ERBB4: variants seen among roughly 807,000 people sequenced by gnomAD.
The protein encoded by ERBB4 is erb-b2 receptor tyrosine kinase 4, also known as receptor tyrosine-protein kinase erbB-4.
In ERBB4, 42 loss-of-function variants were observed where a neutral mutation model predicts 158.0. The observed-to-expected ratio is 0.27, with a 90% CI of 0.21 to 0.34. The LOEUF (loss-of-function observed/expected upper bound fraction) is 0.34. Ranked by LOEUF, ERBB4 falls within the 10% of genes least tolerant of loss-of-function variation. The pLI is 1.00. For synonymous variants in ERBB4, 583 were observed against 558.7 expected (o/e 1.04, Z -0.61); for missense variants, 1,333 against 1,624.1 (o/e 0.82, Z 3.08).
At chr2:211,950,041 C>CTGG (rs1388291820) in intron 2 of ERBB4, among the ~76,000 whole-genome samples, 1 of 152,144 alleles carries the variant, frequency 6.6e-6, no homozygotes, top group African/African-American at 2.4e-5. Flanking sequence ...CGGCCCTTCT[C>CTGG]TGGCCACACC....
At chr2:211,918,071 T>C (rs937835500) in intron 3 of ERBB4, among the ~76,000 whole-genome samples, 2 of 152,152 alleles carry the variant, frequency 1.3e-5, no homozygotes, top group South Asian at 2.1e-4. Context: ...AGTGGCTGGA[T>C]TGAAGATGAT....
intron 3 of ERBB4, among the ~76,000 whole-genome samples, chr2:211,931,343 G>C (rs916774395): frequency 1.2e-4 from 19 of 152,018 alleles, no homozygotes; most frequent in African/African-American, 4.1e-4. Context: ...CTCTATGCCA[G>C]AAAATAAATA....
intron 1 of ERBB4, among the ~76,000 whole-genome samples, chr2:212,153,230 A>AT (rs958861736): frequency 1.3e-5 from 2 of 152,166 alleles, no homozygotes; most frequent in African/African-American, 2.4e-5. Context: ...CAAAATACCA[A>AT]TTTTTTCTCA....
chr2:211,865,174 A>G (rs530624876), intron 3 of ERBB4, among the ~76,000 whole-genome samples: 1 of 151,604 alleles, frequency 6.6e-6, no homozygotes, highest in South Asian at 2.1e-4. Context: ...TAAAGTATAT[A>G]TCTATACCTA....
At chr2:211,479,116 AAT>A (rs1264233083) in intron 20 of ERBB4, among the ~76,000 whole-genome samples, 2 of 152,116 alleles carry the variant, frequency 1.3e-5, no homozygotes, top group Non-Finnish European at 2.9e-5. Flanking sequence ...ACTTAAAGCA[AAT>A]ATTGCTGGGC....
At chr2:211,826,458 A>G (rs973978745) in intron 3 of ERBB4, among the ~76,000 whole-genome samples, 1 of 151,856 alleles carries the variant, frequency 6.6e-6, no homozygotes, top group Non-Finnish European at 1.5e-5. Flanking sequence ...GTTTCCATCC[A>G]TAGCCCTTAT....
intron 3 of ERBB4, among the ~76,000 whole-genome samples, chr2:211,882,310 A>G (rs57566572): frequency 0.14 from 21,563 of 152,124 alleles, 1,862 homozygotes; most frequent in African/African-American, 0.24. Context: ...GCTGGACTAA[A>G]TGGCTGGTAT....
Position 211,673,372 on chromosome 2 carries a change from T to C in ERBB4, c.1623-115A>G, listed in dbSNP as rs2071920518. On this transcript the variant is annotated intron_variant, in intron 13 of 27. Coordinates refer to ENST00000342788, the MANE Select transcript of ERBB4 (RefSeq NM_005235.3). ...GAGTAAATTCTAAAGTTTGTTTCTC[T>C]ATGTGCCAGGAGCATCAGAAACATT... 3 of 763,498 alleles carry C rather than the reference T, an allele frequency of 3.9e-6. No individual in the cohort carries two copies. The Admixed American group carries it at 6.0e-5, about 15-fold the overall frequency. The allele number at this position is 763,498 out of a possible 1,614,324, so 47.3% of individuals were successfully genotyped here. A position where few individuals can be genotyped will look rare whatever the true frequency, so the allele number is the denominator to read the frequency against.
chr2:211,752,148 A>C (rs2075148406), intron 4 of ERBB4, among the ~76,000 whole-genome samples: 1 of 152,158 alleles, frequency 6.6e-6, no homozygotes, highest in Non-Finnish European at 1.5e-5. Context: ...AACTTTAATC[A>C]GTGATAATGA....
intron 9 of ERBB4, among the ~76,000 whole-genome samples, chr2:211,705,912 T>C (rs976548488): frequency 2.6e-5 from 4 of 152,158 alleles, no homozygotes; most frequent in African/African-American, 9.6e-5. Context: ...TTTCATAATA[T>C]TTATAACATT....
chr2:212,136,582 C>T (rs1187894314), intron 1 of ERBB4, among the ~76,000 whole-genome samples: 1 of 152,152 alleles, frequency 6.6e-6, no homozygotes, highest in East Asian at 1.9e-4. Context: ...GGCACATGAC[C>T]TGGACATCAC....
At chr2:212,501,746 C>T (rs773190780) in intron 1 of ERBB4, among the ~76,000 whole-genome samples, 25 of 152,092 alleles carry the variant, frequency 1.6e-4, no homozygotes, top group Non-Finnish European at 3.4e-4. Context: ...CAGAACCTGA[C>T]ATAAACTTTA....
chr2:211,611,047 A>T (rs770297384), intron 19 of ERBB4, among the ~76,000 whole-genome samples: 2 of 152,114 alleles, frequency 1.3e-5, no homozygotes, highest in South Asian at 4.1e-4. Context: ...TTTTAGGATC[A>T]CTACTAAATT....
intron 1 of ERBB4, among the ~76,000 whole-genome samples, chr2:212,523,364 G>A (rs1692276142): frequency 6.6e-6 from 1 of 151,870 alleles, no homozygotes; most frequent in African/African-American, 2.4e-5. Context: ...TTCCAGTTTA[G>A]TTAAATCAGT....
intron 2 of ERBB4, among the ~76,000 whole-genome samples, chr2:212,059,341 A>G (rs1440467803): frequency 6.6e-6 from 1 of 152,228 alleles, no homozygotes; most frequent in African/African-American, 2.4e-5. Context: ...AGGAAGAATC[A>G]ATATTATGAA....
At chr2:211,563,967 TA>T (rs1307564139) in intron 19 of ERBB4, among the ~76,000 whole-genome samples, 2 of 152,162 alleles carry the variant, frequency 1.3e-5, no homozygotes, top group Non-Finnish European at 2.9e-5. Flanking sequence ...CATTTCAAAA[TA>T]AAAAATTAAG....
At chr2:211,569,432 G>A (rs1242291010) in intron 19 of ERBB4, among the ~76,000 whole-genome samples, 2 of 152,122 alleles carry the variant, frequency 1.3e-5, no homozygotes, top group African/African-American at 2.4e-5. Flanking sequence ...TCCAGCCTCA[G>A]GAAGCTTTCA....
rs74439021 is a variant in ERBB4 at position 212,203,453 on chromosome 2, C to T, written c.83-78550G>A. Among the ~76,000 whole-genome samples, 859 of 152,166 alleles carry T rather than the reference C, an allele frequency of 5.6e-3. 8 individuals are homozygous for T. Among genetic ancestry groups the T allele is most frequent in the African/African-American group, 0.018 (761 of 41,520 alleles). ...GATGAGCTCAAGACACAATGAAGGCCCAGGTCACGTAGAAACTTTCAGGCC... is the reference window on the plus strand; with the variant it reads ...GATGAGCTCAAGACACAATGAAGGCTCAGGTCACGTAGAAACTTTCAGGCC... On this transcript the variant is annotated intron_variant, in intron 1 of 27. Coordinates refer to ENST00000342788, the MANE Select transcript of ERBB4 (RefSeq NM_005235.3).
At chr2:211,470,714 C>G (rs1395245554) in intron 20 of ERBB4, among the ~76,000 whole-genome samples, 1 of 152,164 alleles carries the variant, frequency 6.6e-6, no homozygotes, top group Non-Finnish European at 1.5e-5. Flanking sequence ...GATCTTGTTA[C>G]AATGCAGATT....
Sources: gnomAD v4.1 joint callset for allele counts (sites outside exome capture counted in the v4.1 genomes callset) on GRCh38, gnomAD v4.1.1 for gene constraint, MANE v1.5 for transcripts, NCBI Gene and HGNC (gene_info 2026-07-23, HGNC 2026-07-21) for gene names.